CDC14B: variants seen among roughly 807,000 people sequenced by gnomAD.
CDC14B encodes the protein cell division cycle 14B.
A neutral mutation model predicts 64.2 loss-of-function variants in CDC14B; 22 were observed. That is an observed-to-expected ratio of 0.34 (90% CI 0.24 to 0.49). The LOEUF is 0.49. Ranked by LOEUF, CDC14B falls within the 20% of genes least tolerant of loss-of-function variation. CDC14B has a pLI of 0.99. For missense variants in CDC14B, 498 were observed against 629.9 expected (o/e 0.79, Z 2.24); for synonymous variants, 191 against 215.8 (o/e 0.89, Z 1.01).
chr9:96,534,578 T>C, intron 7 of CDC14B, 36 bp from the exon 8 acceptor site: 1 of 1,384,194 alleles, frequency 7.2e-7, no homozygotes, highest in Non-Finnish European at 1.0e-6. Context: ...CGTTTTTAAA[T>C]GTATTCTCCC....
At chr9:96,526,718 T>C (rs1837619565) in intron 9 of CDC14B, among the ~76,000 whole-genome samples, 1 of 152,246 alleles carries the variant, frequency 6.6e-6, no homozygotes, top group African/African-American at 2.4e-5. Flanking sequence ...TTTCAGGGTA[T>C]CTCAACCTCA....
chr9:96,565,530 C>T (rs772647770), intron 1 of CDC14B, 47 bp from the exon 2 acceptor site: 29 of 1,202,274 alleles, frequency 2.4e-5, no homozygotes, highest in Non-Finnish European at 3.6e-5. Flanking sequence ...TTACAAAAAA[C>T]GTTTCATATA....
At chr9:96,593,324 T>C (rs1446229726) in intron 1 of CDC14B, among the ~76,000 whole-genome samples, 3 of 151,954 alleles carry the variant, frequency 2.0e-5, no homozygotes, top group African/African-American at 7.3e-5. Flanking sequence ...CCGTCTCTAC[T>C]AAAAATACAA....
intron 1 of CDC14B, among the ~76,000 whole-genome samples, chr9:96,576,458 C>G (rs1844807336): frequency 6.6e-6 from 1 of 151,474 alleles, no homozygotes; most frequent in African/African-American, 2.4e-5. Flanking sequence ...TCACAAAACC[C>G]CTTCTCTACT....
At chr9:96,509,596 T>C in intron 13 of CDC14B, 77 bp downstream of exon 13, 2 of 845,592 alleles carry the variant, frequency 2.4e-6, no homozygotes, top group Non-Finnish European at 4.1e-6. Context: ...CATGTCAGTC[T>C]CCAGAGGTAG....
chr9:96,584,070 T>C (rs1009749229), intron 1 of CDC14B, among the ~76,000 whole-genome samples: 1 of 152,172 alleles, frequency 6.6e-6, no homozygotes, highest in African/African-American at 2.4e-5. Context: ...ACAAACCCTA[T>C]ACCTGTGCTT....
chr9:96,574,407 C>T (rs1391511242), intron 1 of CDC14B, among the ~76,000 whole-genome samples: 3 of 151,626 alleles, frequency 2.0e-5, no homozygotes, highest in African/African-American at 4.8e-5. Flanking sequence ...TATCTCATAC[C>T]ATACACCACT....
intron 6 of CDC14B, among the ~76,000 whole-genome samples, 200 bp downstream of exon 6, chr9:96,541,626 T>C (rs1195805083): frequency 6.6e-6 from 1 of 152,336 alleles, no homozygotes; most frequent in East Asian, 1.9e-4. Flanking sequence ...AACTCATACA[T>C]AGAAGCACTC....
rs1262068674 is a variant in CDC14B at position 96,500,388 on chromosome 9, C to T, written c.*3365G>A. ...AAGACAATGATTGATCAATACTGATCAGTTACATTTTAAAACTTTTAATAA... is the reference window on the plus strand; with the variant it reads ...AAGACAATGATTGATCAATACTGATTAGTTACATTTTAAAACTTTTAATAA... On this transcript the variant is annotated 3_prime_UTR_variant, in exon 14 of 14. Coordinates refer to ENST00000375241, the MANE Select transcript of CDC14B (RefSeq NM_033331.4). The T allele has an allele frequency of 1.3e-5, 2 of 152,594 alleles. No homozygotes were observed. Among genetic ancestry groups the T allele is most frequent in the African/African-American group, 2.4e-5 (1 of 41,450 alleles). The allele number at this position is 152,594 out of a possible 1,614,324, so 9.5% of individuals were successfully genotyped here. A position where few individuals can be genotyped will look rare whatever the true frequency, so the allele number is the denominator to read the frequency against.
intron 1 of CDC14B, among the ~76,000 whole-genome samples, chr9:96,568,424 A>C (rs1251636320): frequency 6.6e-6 from 1 of 152,244 alleles, no homozygotes; most frequent in East Asian, 1.9e-4. Flanking sequence ...TTATCACAAA[A>C]GTAACAGAAA....
intron 1 of CDC14B, among the ~76,000 whole-genome samples, chr9:96,583,084 G>A (rs1268136370): frequency 6.6e-6 from 1 of 152,060 alleles, no homozygotes; most frequent in Non-Finnish European, 1.5e-5. Flanking sequence ...CTTCTGTTAC[G>A]CATACCTCTG....
intron 1 of CDC14B, chr9:96,618,647 G>C (rs112600242): frequency 1.9e-6 from 1 of 524,914 alleles, no homozygotes; most frequent in South Asian, 1.4e-5. Flanking sequence ...CGCGCTAGGG[G>C]GCAGGGCGCG....
At chr9:96,492,639 G>T (rs1833117911) in exon 14 of CDC14B, 1 of 152,586 alleles carries the variant, frequency 6.6e-6, no homozygotes. Flanking sequence ...AGCTACTCAG[G>T]AGGCTGAGGC....
At chr9:96,587,717 C>T (rs948962962) in intron 1 of CDC14B, among the ~76,000 whole-genome samples, 1 of 152,108 alleles carries the variant, frequency 6.6e-6, no homozygotes, top group Non-Finnish European at 1.5e-5. Flanking sequence ...ATGGGAGAGG[C>T]GGCACCAAGG....
chr9:96,519,308 C>T (rs558425917), intron 12 of CDC14B, among the ~76,000 whole-genome samples: 4 of 152,220 alleles, frequency 2.6e-5, no homozygotes, highest in African/African-American at 9.6e-5. Context: ...GTCATCACGT[C>T]CTGAAGATCA....
chr9:96,547,171 A>C (rs539572731), intron 5 of CDC14B, among the ~76,000 whole-genome samples: 1 of 151,826 alleles, frequency 6.6e-6, no homozygotes, highest in South Asian at 2.1e-4. Context: ...TTTTTTTAAG[A>C]GACAGGGTCT....
chr9:96,557,469 C>CA (rs934584021), intron 4 of CDC14B, among the ~76,000 whole-genome samples: 10 of 152,200 alleles, frequency 6.6e-5, no homozygotes, highest in African/African-American at 2.4e-4. Context: ...CTTAACTTCC[C>CA]AACTGATCCT....
downstream of CDC14B, among the ~76,000 whole-genome samples, chr9:96,496,630 T>G (rs1430894977): frequency 6.6e-6 from 1 of 152,142 alleles, no homozygotes; most frequent in Non-Finnish European, 1.5e-5. Context: ...TCCCTCCGGC[T>G]GGGTCCCGGC....
chr9:96,554,194 C>T (rs573384314), intron 4 of CDC14B, among the ~76,000 whole-genome samples: 1 of 151,942 alleles, frequency 6.6e-6, no homozygotes, highest in Admixed American at 6.6e-5. Context: ...CAAAACAAAA[C>T]CCTAAAACCA....
Sources: allele counts gnomAD v4.1 joint callset (sites outside exome capture counted in the v4.1 genomes callset), GRCh38; gene constraint gnomAD v4.1.1; transcripts MANE v1.5; gene names NCBI Gene and HGNC (gene_info 2026-07-23, HGNC 2026-07-21).